The following PNPO variants were observed in gnomAD, a reference collection of about 807,000 sequenced individuals.
The protein encoded by PNPO is pyridoxine-5'-phosphate oxidase.
A neutral mutation model predicts 35.0 loss-of-function variants in PNPO; 39 were observed. The observed-to-expected ratio is 1.11, with a 90% CI of 0.86 to 1.45. The LOEUF is 1.45. Among genes scored for constraint, PNPO ranks in the 40% most tolerant of loss-of-function variants. The pLI, the probability that PNPO is intolerant of heterozygous loss-of-function variation, is 0.00. For synonymous variants in PNPO, 115 were observed against 119.8 expected (o/e 0.96, Z 0.26); for missense variants, 288 against 340.0 (o/e 0.85, Z 1.20).
intron 6 of PNPO, 75 bp from the exon 7 acceptor site, chr17:47,946,539 A>G (rs2036011224): frequency 2.6e-6 from 4 of 1,524,748 alleles, no homozygotes; most frequent in South Asian, 1.1e-5. Flanking sequence ...AGGCCCTGGG[A>G]TGAGGGGTGA....
chr17:47,946,199 C>T (rs1407824616), intron 5 of PNPO, 124 bp from the exon 6 acceptor site: 2 of 1,005,618 alleles, frequency 2.0e-6, no homozygotes, highest in South Asian at 2.6e-5. Flanking sequence ...CTGTTGACTG[C>T]TCCTGGAGGA....
chr17:47,948,886 T>TGGTTA lies in PNPO; in HGVS notation c.*2105_*2106insGTTAG, dbSNP rs1567715128. 1 of 152,286 alleles carries TGGTTA rather than the reference T, an allele frequency of 6.6e-6. No individual in the cohort carries two copies. Among genetic ancestry groups the TGGTTA allele is most frequent in the African/African-American group, 2.4e-5 (1 of 41,468 alleles). The allele number at this position is 152,286 out of a possible 1,614,324, so 9.4% of individuals were successfully genotyped here. On this transcript the variant is annotated 3_prime_UTR_variant, in exon 7 of 7. Coordinates refer to ENST00000642017, the MANE Select transcript of PNPO (RefSeq NM_018129.4). ...TGTGACTAAGCCAGGATCAAAGAAC[T>TGGTTA]GCCTGTTGCTTGCACTGGCTGGCAC...
chr17:47,945,399 T>C lies in PNPO; in HGVS notation c.364-160T>C. ...GCACGTGACTTAGCCTGTCTCTGTG[T>C]CTGTGACAATAGGCCTACTTTTGAG... On this transcript the variant is annotated intron_variant, in intron 3 of 6. Coordinates refer to ENST00000642017, the MANE Select transcript of PNPO (RefSeq NM_018129.4). This position sits in a 1 kb window ranked among gnomAD's most constrained non-coding sequence, Gnocchi z 4.0. 1.4e-6 allele frequency: 1 copy of C among 699,544 alleles called. No homozygotes were observed. The highest frequency in any genetic ancestry group is 1.7e-5 in the African/African-American group (1 of 57,700). 43.3% of individuals were successfully genotyped at this position (699,544 alleles called of 1,614,324 possible). A position where few individuals can be genotyped will look rare whatever the true frequency, so the allele number is the denominator to read the frequency against.
In PNPO at chr17:47,943,835, G is replaced by A. The variant is rs948543309; in HGVS notation, c.263+405G>A. On this transcript the variant is annotated intron_variant, in intron 2 of 6. Transcript: ENST00000642017. ...TCATATGCCCTTTGAGACATCACTT[G>A]TATTAGCCTGTTATTCAATTCTCCT... is the stretch of plus-strand genomic sequence containing the variant. 7.2e-5 allele frequency among the ~76,000 whole-genome samples: 11 copies of A among 152,166 alleles called. No individual in the cohort carries two copies. The East Asian group carries it at 2.1e-3, about 29-fold the overall frequency.
In PNPO at chr17:47,946,349, G is replaced by A. The variant is rs1220880028; in HGVS notation, c.573G>A (p.Leu191=). Residue 191 remains leucine (L), a synonymous_variant, in exon 6 of 7, where the codon CTG becomes CTA. Transcript: ENST00000642017. ...REYLRKKNEE[L]EQLYQDQEVP... ...ATCTGAGAAAGAAAAATGAGGAACT[G>A]GAACAGCTCTACCAGGATCAAGAGG... 1.2e-5 allele frequency: 19 copies of A among 1,613,558 alleles called. No homozygotes were observed. Among genetic ancestry groups the A allele is most frequent in the Non-Finnish European group, 1.4e-5 (17 of 1,179,500 alleles).
At chr17:47,943,482 CT>C in intron 2 of PNPO, 52 bp downstream of exon 2, 1 of 1,605,568 alleles carries the variant, frequency 6.2e-7, no homozygotes, top group Non-Finnish European at 8.5e-7. Context: ...AACTAGGAAG[CT>C]TATGAAGCTC....
chr17:47,945,896 G>A lies in PNPO; in HGVS notation c.453G>A (p.Glu151=), dbSNP rs779377757. ...AAGGCCCTGTGAAGAAACTGCCTGAGGAGGAGGCTGAGTGCTACTTCCACT... is the reference window on the plus strand; with the variant it reads ...AAGGCCCTGTGAAGAAACTGCCTGAAGAGGAGGCTGAGTGCTACTTCCACT... ...RVEGPVKKLP[E]EEAECYFHSR... The change falls in exon 5 of 7, where the codon GAG becomes GAA. Residue 151 remains glutamate, a synonymous_variant. Transcript: ENST00000642017. This position sits in a 1 kb window ranked among gnomAD's most constrained non-coding sequence, Gnocchi z 4.0. 12 of 1,613,866 alleles carry A rather than the reference G, an allele frequency of 7.4e-6. No homozygotes were observed. The highest frequency in any genetic ancestry group is 9.3e-6 in the Non-Finnish European group (11 of 1,180,016).
Position 47,944,697 on chromosome 17 carries a change from T to G in PNPO, c.345T>G (p.Ser115Arg). 1 of 1,613,740 alleles carries G rather than the reference T, an allele frequency of 6.2e-7. No individual in the cohort carries two copies. Among genetic ancestry groups the G allele is most frequent in the African/African-American group, 1.3e-5 (1 of 74,938 alleles). The change falls in exon 3 of 7, where the codon AGT becomes AGG. Residue 115 changes from serine (S) to arginine (R), a missense_variant. Physicochemically the swap from Ser to Arg is moderately radical, Grantham distance 110. Coordinates refer to ENST00000642017, the MANE Select transcript of PNPO (RefSeq NM_018129.4). ...DGFRFFTNFE[S>R]RKGKELDSNP... is the part of the protein sequence containing the mutation. ...TCCGCTTCTTCACTAACTTCGAGAG[T>G]CGAAAAGGAAAAGAGCTGGTGGGTG...
At chr17:47,944,572 A>C (rs763098424) in intron 2 of PNPO, 44 bp from the exon 3 acceptor site, 1 of 1,459,380 alleles carries the variant, frequency 6.9e-7, no homozygotes, top group Non-Finnish European at 9.6e-7. Flanking sequence ...TAGCCAGAAC[A>C]TTGAAGCAGA....
At chr17:47,942,442 T>A (rs974112016) in intron 1 of PNPO, among the ~76,000 whole-genome samples, 5 of 152,046 alleles carry the variant, frequency 3.3e-5, no homozygotes, top group Non-Finnish European at 7.4e-5. Flanking sequence ...GTGGGCATGG[T>A]CATGGGCCCC....
Position 47,947,010 on chromosome 17 carries a change from C to A in PNPO, c.*228C>A. On this transcript the variant is annotated 3_prime_UTR_variant, in exon 7 of 7. Transcript: ENST00000642017. ...AGAGAATCACAAATGGAAAATAATT[C>A]CATAATTATTTTTTTGACCTTGCCT... 1.8e-6 allele frequency: 1 copy of A among 567,000 alleles called. No individual in the cohort carries two copies. The allele number at this position is 567,000 out of a possible 1,614,324, so 35.1% of individuals were successfully genotyped here.
In PNPO at chr17:47,947,481, A is replaced by G. The variant is rs983704535; in HGVS notation, c.*699A>G. The G allele has an allele frequency of 1.4e-5, 2 of 142,720 alleles. No homozygotes were observed. The highest frequency in any genetic ancestry group is 5.2e-5 in the African/African-American group (2 of 38,666). The allele number at this position is 142,720 out of a possible 1,614,324, so 8.8% of individuals were successfully genotyped here. On this transcript the variant is annotated 3_prime_UTR_variant, in exon 7 of 7. Transcript: ENST00000642017. ...ATCTATTTCTGTTGATTACAACTTA[A>G]CTAACTCATTTACGGATAGGACTTT...
chr17:47,941,840 G>T, intron 1 of PNPO, 27 bp downstream of exon 1: 1 of 1,545,238 alleles, frequency 6.5e-7, no homozygotes. Context: ...CAGGCCTCCT[G>T]CAGGGGCGGG....
chr17:47,943,102 G>C (rs993254554), intron 1 of PNPO, among the ~76,000 whole-genome samples: 2 of 152,098 alleles, frequency 1.3e-5, no homozygotes, highest in Non-Finnish European at 2.9e-5. Context: ...ACTAGCTGTG[G>C]GACAGCAAGT....
In PNPO at chr17:47,948,349, T is replaced by TAAGC. The variant is rs1259506777; in HGVS notation, c.*1567_*1568insAAGC. 1.3e-5 allele frequency: 2 copies of TAAGC among 152,226 alleles called. No homozygotes were observed. The highest frequency in any genetic ancestry group is 2.9e-5 in the Non-Finnish European group (2 of 68,044). The allele number at this position is 152,226 out of a possible 1,614,324, so 9.4% of individuals were successfully genotyped here. A position where few individuals can be genotyped will look rare whatever the true frequency, so the allele number is the denominator to read the frequency against. On this transcript the variant is annotated 3_prime_UTR_variant, in exon 7 of 7. Coordinates refer to ENST00000642017, the MANE Select transcript of PNPO (RefSeq NM_018129.4). Reference sequence around the variant, plus strand: ...CTGATAATTCCTAGTTCATTGGTTTTTCCCCCACACTGGAATTACCTGGGG... The same window carrying TAAGC: ...CTGATAATTCCTAGTTCATTGGTTTTAAGCTCCCCCACACTGGAATTACCTGGGG...
At position 47,941,734 on chromosome 17, in the gene PNPO, G is replaced by A. The variant is rs906198568; in HGVS notation, c.59G>A (p.Gly20Asp). 1.3e-6 allele frequency: 2 copies of A among 1,552,346 alleles called. No individual in the cohort carries two copies. The highest frequency in any genetic ancestry group is 8.7e-7 in the Non-Finnish European group (1 of 1,147,708). Residue 20 changes from glycine (G) to aspartate (D), a missense_variant, in exon 1 of 7, where the codon GGC becomes GAC. Gly to Asp is a moderately conservative substitution (Grantham distance 94). Coordinates refer to ENST00000642017, the MANE Select transcript of PNPO (RefSeq NM_018129.4). ...TTCGGGCGACCTGCCGAGTGGCCAG[G>A]CTACCTCAGTCACCTGTGTGGTCGC... ...ATFGRPAEWPGYLSHLCGRSA... is the reference protein window; with the variant it reads ...ATFGRPAEWPDYLSHLCGRSA...
Position 47,947,080 on chromosome 17 carries a change from A to C in PNPO, c.*298A>C. ...CCCTCTAGGGGTAGCAGCCGGTGTG[A>C]CTCCCTTTCTGGTGACAGACAGGGC... On this transcript the variant is annotated 3_prime_UTR_variant, in exon 7 of 7. Transcript: ENST00000642017. 5 of 373,692 alleles carry C rather than the reference A, an allele frequency of 1.3e-5. No homozygotes were observed. Among genetic ancestry groups the C allele is most frequent in the Middle Eastern group, 8.4e-4 (1 of 1,194 alleles). The allele number at this position is 373,692 out of a possible 1,614,324, so 23.1% of individuals were successfully genotyped here.
Position 47,943,359 on chromosome 17 carries a change from C to G in PNPO, c.192C>G (p.Ala64=), listed in dbSNP as rs931497778. The change falls in exon 2 of 7, where the codon GCC becomes GCG. Residue 64 remains alanine, a synonymous_variant. Transcript: ENST00000642017. ...TSLDPVKQFA[A]WFEEAVQCPD... is the part of the protein sequence containing the mutation. ...TTGACCCAGTGAAACAGTTTGCTGC[C>G]TGGTTTGAGGAGGCTGTTCAGTGTC... 1 of 1,613,974 alleles carries G rather than the reference C, an allele frequency of 6.2e-7. No individual in the cohort carries two copies. Among genetic ancestry groups the G allele is most frequent in the South Asian group, 1.1e-5 (1 of 91,062 alleles).
In PNPO at chr17:47,945,927, C is replaced by T. The variant is rs2036001365; in HGVS notation, c.484C>T (p.Pro162Ser). 1 of 1,613,884 alleles carries T rather than the reference C, an allele frequency of 6.2e-7. No homozygotes were observed. The highest frequency in any genetic ancestry group is 1.3e-5 in the African/African-American group (1 of 74,910). ...GGCTGAGTGCTACTTCCACTCCCGCCCCAAGAGCAGCCAGATTGGGGCTGT... is the reference window on the plus strand; with the variant it reads ...GGCTGAGTGCTACTTCCACTCCCGCTCCAAGAGCAGCCAGATTGGGGCTGT... ...EEAECYFHSRPKSSQIGAVVS... is the reference protein window; with the variant it reads ...EEAECYFHSRSKSSQIGAVVS... The change falls in exon 5 of 7, where the codon CCC (proline) becomes TCC (serine). Residue 162 changes from proline (P) to serine (S), a missense_variant. Pro to Ser is a moderately conservative substitution (Grantham distance 74). Coordinates refer to ENST00000642017, the MANE Select transcript of PNPO (RefSeq NM_018129.4). This position sits in a 1 kb window ranked among gnomAD's most constrained non-coding sequence, Gnocchi z 4.0.
Sources: gnomAD v4.1 joint callset for allele counts (sites outside exome capture counted in the v4.1 genomes callset) on GRCh38, gnomAD v4.1.1 for gene constraint, Gnocchi (gnomAD v3.1) non-coding constraint, MANE v1.5 for transcripts, NCBI Gene and HGNC (gene_info 2026-07-23, HGNC 2026-07-21) for gene names.